SLC18B1: variants seen among roughly 807,000 people sequenced by gnomAD.
SLC18B1 encodes MFS-type transporter SLC18B1.
In SLC18B1, 62 loss-of-function variants were observed where a neutral mutation model predicts 53.9. The ratio of observed to expected loss-of-function variants is 1.15; its 90% CI spans 0.94 to 1.42. The LOEUF (loss-of-function observed/expected upper bound fraction) is 1.42, where lower values mean the gene tolerates loss of function less well. Among genes scored for constraint, SLC18B1 ranks in the 40% most tolerant of loss-of-function variants. SLC18B1 has a pLI of 0.00. For synonymous variants in SLC18B1, 217 were observed against 200.9 expected (o/e 1.08, Z -0.68); for missense variants, 598 against 547.3 (o/e 1.09, Z -0.93).
At chr6:132,774,175 A>G (rs757989471) in intron 9 of SLC18B1, 47 bp downstream of exon 9, 28 of 1,472,594 alleles carry the variant, frequency 1.9e-5, no homozygotes, top group Non-Finnish European at 2.6e-5. Context: ...TTTCGAAATA[A>G]TTCCTAATGT....
intron 7 of SLC18B1, among the ~76,000 whole-genome samples, chr6:132,777,522 G>T (rs1305594075): frequency 6.6e-6 from 1 of 152,150 alleles, no homozygotes; most frequent in Non-Finnish European, 1.5e-5. Flanking sequence ...GACCATCCTG[G>T]CTAACACGGT....
intron 1 of SLC18B1, among the ~76,000 whole-genome samples, chr6:132,797,705 T>C (rs965909874): frequency 6.6e-6 from 1 of 152,238 alleles, no homozygotes; most frequent in South Asian, 2.1e-4. Flanking sequence ...GAAAACAAGC[T>C]AAATCATTCA....
chr6:132,774,340 T>C (rs1582854678), intron 8 of SLC18B1, 27 bp from the exon 9 acceptor site: 6 of 1,571,012 alleles, frequency 3.8e-6, no homozygotes, highest in South Asian at 1.1e-5. Context: ...AGAGTCAAAA[T>C]GATTCTTAGA....
At chr6:132,782,941 A>T (rs998847291) in intron 6 of SLC18B1, among the ~76,000 whole-genome samples, 4 of 151,698 alleles carry the variant, frequency 2.6e-5, no homozygotes, top group African/African-American at 9.7e-5. Flanking sequence ...TGCCTGGCTA[A>T]TTTTTGTATT....
Position 132,798,489 on chromosome 6 carries a change from C to T in SLC18B1, c.-33G>A, listed in dbSNP as rs1183685830. On this transcript the variant is annotated 5_prime_UTR_variant, in exon 1 of 14. Coordinates refer to ENST00000275227, the MANE Select transcript of SLC18B1 (RefSeq NM_052831.3). ...GCGTGGACTCCGGCGCCCCAGCTCC[C>T]GGCTTCAAGCCACGTCCTTGGACTC... 1 of 1,470,748 alleles carries T rather than the reference C, an allele frequency of 6.8e-7. No individual in the cohort carries two copies. 91.1% of individuals were successfully genotyped at this position (1,470,748 alleles called of 1,614,324 possible).
At chr6:132,778,727 C>A (rs1781155953) in intron 7 of SLC18B1, among the ~76,000 whole-genome samples, 1 of 152,102 alleles carries the variant, frequency 6.6e-6, no homozygotes, top group Non-Finnish European at 1.5e-5. Context: ...TCAAAAATAT[C>A]TAAGAACAAA....
chr6:132,785,807 C>A (rs1217867854), intron 5 of SLC18B1, among the ~76,000 whole-genome samples: 1 of 149,578 alleles, frequency 6.7e-6, no homozygotes. Context: ...CATTTGTAAT[C>A]CCAGCCACCT....
intron 2 of SLC18B1, among the ~76,000 whole-genome samples, chr6:132,791,701 G>A (rs58155972): frequency 0.044 from 6,683 of 152,148 alleles, 251 homozygotes; most frequent in African/African-American, 0.096. Flanking sequence ...GCTTGGGCAC[G>A]ATTTAAGCCC....
chr6:132,775,907 A>G (rs1029848463), intron 8 of SLC18B1, among the ~76,000 whole-genome samples: 4 of 152,138 alleles, frequency 2.6e-5, no homozygotes, highest in African/African-American at 9.7e-5. Flanking sequence ...TTTTCATAAG[A>G]GAGTTTAATC....
In SLC18B1 at chr6:132,798,345, C is replaced by A. The variant is rs1041943446; in HGVS notation, c.43+69G>T. ...CAGATCAAGCTATAAGCAATTCAAT[C>A]GTTGCTAAAGAGACACGCCGGAAGC... is the stretch of plus-strand genomic sequence containing the variant. On this transcript the variant is annotated intron_variant, in intron 1 of 13. Transcript: ENST00000275227. 2.1e-5 allele frequency: 30 copies of A among 1,431,406 alleles called. No homozygotes were observed. The Admixed American group carries it at 4.9e-4, about 23-fold the overall frequency. The allele number at this position is 1,431,406 out of a possible 1,614,324, so 88.7% of individuals were successfully genotyped here.
At chr6:132,783,872 T>C (rs1781299891) in intron 6 of SLC18B1, 61 bp downstream of exon 6, 1 of 1,281,200 alleles carries the variant, frequency 7.8e-7, no homozygotes, top group Admixed American at 2.9e-5. Flanking sequence ...AAAACTGGTC[T>C]CTTACAAAGG....
At chr6:132,794,847 T>C (rs996541176) in intron 2 of SLC18B1, among the ~76,000 whole-genome samples, 4 of 151,906 alleles carry the variant, frequency 2.6e-5, no homozygotes, top group African/African-American at 9.7e-5. Flanking sequence ...CTACTAAAAA[T>C]AGAAAAAAAT....
At chr6:132,775,791 ACCTCCT>A (rs1160840887) in intron 8 of SLC18B1, among the ~76,000 whole-genome samples, 1 of 152,194 alleles carries the variant, frequency 6.6e-6, no homozygotes, top group East Asian at 1.9e-4. Context: ...AATCTAAATT[ACCTCCT>A]CCTAAAGAAG....
At chr6:132,778,542 G>A (rs2114666870) in intron 7 of SLC18B1, among the ~76,000 whole-genome samples, 1 of 152,224 alleles carries the variant, frequency 6.6e-6, no homozygotes, top group East Asian at 1.9e-4. Context: ...CAACTTTGTT[G>A]ATATTAGAAA....
chr6:132,787,397 C>A, intron 5 of SLC18B1, 37 bp downstream of exon 5: 1 of 1,503,758 alleles, frequency 6.7e-7, no homozygotes, highest in Non-Finnish European at 8.9e-7. Context: ...TTGGCCTACA[C>A]TCAAAGGAAA....
At chr6:132,796,419 G>A (rs1032059898) in intron 2 of SLC18B1, among the ~76,000 whole-genome samples, 3 of 148,474 alleles carry the variant, frequency 2.0e-5, no homozygotes, top group East Asian at 3.9e-4. Context: ...CCAGCTACTC[G>A]GGAGGCTGAG....
chr6:132,784,380 A>C (rs1562267118), intron 5 of SLC18B1, among the ~76,000 whole-genome samples: 1 of 152,226 alleles, frequency 6.6e-6, no homozygotes, highest in African/African-American at 2.4e-5. Flanking sequence ...CTATGCATAA[A>C]AAAATCAAAA....
intron 7 of SLC18B1, among the ~76,000 whole-genome samples, chr6:132,777,311 C>A (rs1489571275): frequency 6.6e-6 from 1 of 152,116 alleles, no homozygotes; most frequent in Non-Finnish European, 1.5e-5. Flanking sequence ...ACCTCCCATG[C>A]CACAAATGGG....
rs868593106 is a variant in SLC18B1, at chr6:132,779,177, C to T, written c.795+91G>A. The T allele has an allele frequency of 1.1e-4, 164 of 1,476,976 alleles. 6 individuals are homozygous for T. In the South Asian group the frequency reaches 1.9e-3, roughly 18 times the overall value. The allele number at this position is 1,476,976 out of a possible 1,614,324, so 91.5% of individuals were successfully genotyped here. A position where few individuals can be genotyped will look rare whatever the true frequency, so the allele number is the denominator to read the frequency against. On this transcript the variant is annotated intron_variant, in intron 7 of 13. Coordinates refer to ENST00000275227, the MANE Select transcript of SLC18B1 (RefSeq NM_052831.3). ...CCATTCTACCTTCTTCTCCCAGCCA[C>T]GCAAGGGTCTTTCCACAGAGCAGGG...
Sources: allele counts gnomAD v4.1 joint callset (sites outside exome capture counted in the v4.1 genomes callset), GRCh38; gene constraint gnomAD v4.1.1; transcripts MANE v1.5; gene names NCBI Gene and HGNC (gene_info 2026-07-23, HGNC 2026-07-21).